PCDH15: variants seen among roughly 807,000 people sequenced by gnomAD.
The protein encoded by PCDH15 is protocadherin-15.
In PCDH15, 129 loss-of-function variants were observed where a neutral mutation model predicts 178.5. That is an observed-to-expected ratio of 0.72 (90% confidence interval 0.63 to 0.84). The LOEUF (loss-of-function observed/expected upper bound fraction) is 0.84. PCDH15 is among the 40% of genes least tolerant of loss of function. The probability of loss-of-function intolerance (pLI) is 0.00; values close to 1 mark genes in which losing one functional copy is unlikely to be tolerated. For missense variants in PCDH15, 2,230 were observed against 2,099.9 expected (o/e 1.06, Z -1.21); for synonymous variants, 800 against 732.0 (o/e 1.09, Z -1.50).
At chr10:54,035,126 A>G (rs1223115885) in intron 18 of PCDH15, among the ~76,000 whole-genome samples, 1 of 151,908 alleles carries the variant, frequency 6.6e-6, no homozygotes, top group Non-Finnish European at 1.5e-5. Context: ...CATGTTATTT[A>G]TGGAGTGTAA....
intron 2 of PCDH15, among the ~76,000 whole-genome samples, chr10:54,553,745 TG>T: frequency 6.6e-6 from 1 of 152,292 alleles, no homozygotes; most frequent in South Asian, 2.1e-4. Context: ...AGTCAGGTTC[TG>T]TATAAAATCT....
At chr10:55,164,095 T>C (rs1192691164) in intron 2 of PCDH15, among the ~76,000 whole-genome samples, 1 of 152,150 alleles carries the variant, frequency 6.6e-6, no homozygotes, top group African/African-American at 2.4e-5. Flanking sequence ...GGCCACACGA[T>C]GCAGTAGAGC....
chr10:55,019,905 T>C (rs2222873), intron 2 of PCDH15, among the ~76,000 whole-genome samples: 151,946 of 151,946 alleles, frequency 1, 75,973 homozygotes, highest in Non-Finnish European at 1. Context: ...ATAAGACACA[T>C]ATAAATTGCA....
At position 54,612,146 on chromosome 10, in the gene PCDH15, T is replaced by A. The variant is rs12259092; in HGVS notation, c.91+52026A>T. ...TTTTAAACAGAGTTGAATAATTGTA[T>A]AACCCTAAAAGTAAAAGAGGCAAAC... On this transcript the variant is annotated intron_variant, in intron 2 of 37. Transcript: ENST00000644397. 8.4e-3 allele frequency among the ~76,000 whole-genome samples: 1,279 copies of A among 151,898 alleles called. 22 individuals are homozygous for A. Among genetic ancestry groups the A allele is most frequent in the African/African-American group, 0.03 (1,234 of 41,502 alleles).
chr10:54,625,323 A>C (rs2093512578), intron 2 of PCDH15, among the ~76,000 whole-genome samples: 1 of 152,288 alleles, frequency 6.6e-6, no homozygotes, highest in South Asian at 2.1e-4. Flanking sequence ...AAGGACTACA[A>C]GTTTCCTAAT....
At chr10:55,368,755 C>T (rs1036496410) in intron 2 of PCDH15, among the ~76,000 whole-genome samples, 1 of 152,006 alleles carries the variant, frequency 6.6e-6, no homozygotes, top group Non-Finnish European at 1.5e-5. Flanking sequence ...ACGAATAACT[C>T]CTAAGAAAAT....
At chr10:55,554,945 G>C (rs1842063048) in intron 2 of PCDH15, among the ~76,000 whole-genome samples, 1 of 151,930 alleles carries the variant, frequency 6.6e-6, no homozygotes, top group South Asian at 2.1e-4. Context: ...ACTGATATTT[G>C]TCTCATGTTT....
chr10:54,392,509 A>T (rs1386634614), intron 3 of PCDH15, among the ~76,000 whole-genome samples: 4 of 142,188 alleles, frequency 2.8e-5, no homozygotes, highest in African/African-American at 1.0e-4. Context: ...GTATTAATTT[A>T]TTAGCTTTTA....
intron 18 of PCDH15, among the ~76,000 whole-genome samples, chr10:54,037,551 A>G: frequency 1.1e-5 from 1 of 90,818 alleles, no homozygotes; most frequent in East Asian, 2.2e-4. Flanking sequence ...TTCAGACACA[A>G]TGCTAATTGC....
chr10:54,554,990 T>C (rs895536109), intron 2 of PCDH15, among the ~76,000 whole-genome samples: 6 of 152,020 alleles, frequency 3.9e-5, no homozygotes, highest in African/African-American at 1.2e-4. Context: ...AGAAAGGACA[T>C]TGGAAAAAGA....
At chr10:55,144,949 T>A (rs1838463094) in intron 2 of PCDH15, among the ~76,000 whole-genome samples, 2 of 151,988 alleles carry the variant, frequency 1.3e-5, no homozygotes, top group African/African-American at 4.8e-5. Flanking sequence ...ATTACAGCCA[T>A]TCTTAATAAG....
chr10:54,283,223 T>C lies in PCDH15; in HGVS notation c.876+34048A>G, dbSNP rs1033051950. Among the ~76,000 whole-genome samples, 13 of 152,146 alleles carry C rather than the reference T, an allele frequency of 8.5e-5. No individual in the cohort carries two copies. In the East Asian group the frequency reaches 2.5e-3, roughly 29 times the overall value. On this transcript the variant is annotated intron_variant, in intron 8 of 37. Coordinates refer to ENST00000644397, the MANE Select transcript of PCDH15 (RefSeq NM_001384140.1). Reference sequence around the variant, plus strand: ...AAGCTGGACTCTGCAGTATCCTTTTTTGTTTGAAGAGGAATAGTAGAAGGA... The same window carrying C: ...AAGCTGGACTCTGCAGTATCCTTTTCTGTTTGAAGAGGAATAGTAGAAGGA...
intron 27 of PCDH15, among the ~76,000 whole-genome samples, chr10:53,861,865 C>T (rs2079127403): frequency 6.6e-6 from 1 of 152,010 alleles, no homozygotes; most frequent in South Asian, 2.1e-4. Context: ...CCTGCTTGAA[C>T]TGTCTTTCCT....
chr10:54,153,110 C>T lies in PCDH15; in HGVS notation c.1774G>A (p.Ala592Thr). The T allele has an allele frequency of 6.2e-7, 1 of 1,613,756 alleles. No homozygotes were observed. The highest frequency in any genetic ancestry group is 8.5e-7 in the Non-Finnish European group (1 of 1,179,808). ...TVQAADNAPP[A>T]ERRNSICTVY... ...TCTAATATAAATTACCTTCGCTCTGCAGGAGGAGCATTATCCGCTGCTTGG... is the reference window on the plus strand; with the variant it reads ...TCTAATATAAATTACCTTCGCTCTGTAGGAGGAGCATTATCCGCTGCTTGG... The change falls in exon 14 of 38, where the codon GCA becomes ACA. Residue 592 changes from alanine (A) to threonine (T), a missense_variant. By Grantham distance (58) the Ala-to-Thr change is moderately conservative. Coordinates refer to ENST00000644397, the MANE Select transcript of PCDH15 (RefSeq NM_001384140.1).
chr10:53,826,914 A>G (rs2132568520), intron 32 of PCDH15, among the ~76,000 whole-genome samples: 1 of 152,242 alleles, frequency 6.6e-6, no homozygotes, highest in African/African-American at 2.4e-5. Context: ...AGAAAATACT[A>G]CGATTTTAAA....
chr10:54,050,280 C>T (rs1248363788), intron 18 of PCDH15, among the ~76,000 whole-genome samples: 2 of 152,108 alleles, frequency 1.3e-5, no homozygotes, highest in African/African-American at 2.4e-5. Context: ...CTTCTTGATT[C>T]AATCATGGGA....
intron 2 of PCDH15, among the ~76,000 whole-genome samples, chr10:55,513,524 T>C (rs1158547104): frequency 6.6e-6 from 1 of 152,130 alleles, no homozygotes; most frequent in Non-Finnish European, 1.5e-5. Flanking sequence ...AACACACAAT[T>C]ACATCACAGG....
chr10:54,830,623 T>C (rs1250248970), intron 3 of PCDH15, among the ~76,000 whole-genome samples: 2 of 151,740 alleles, frequency 1.3e-5, no homozygotes, highest in Non-Finnish European at 2.9e-5. Context: ...TTAGGAGACA[T>C]ACCTAATGCT....
chr10:54,989,939 A>C (rs542655978), intron 2 of PCDH15, among the ~76,000 whole-genome samples: 16 of 152,228 alleles, frequency 1.1e-4, no homozygotes, highest in Admixed American at 8.5e-4. Flanking sequence ...GATGGAGGAT[A>C]AGTCTCACAG....
Sources: allele counts gnomAD v4.1 joint callset (sites outside exome capture counted in the v4.1 genomes callset), GRCh38; gene constraint gnomAD v4.1.1; transcripts MANE v1.5; gene names NCBI Gene and HGNC (gene_info 2026-07-23, HGNC 2026-07-21).